Variants in MAGOHB observed in about 807,000 individuals in gnomAD.
MAGOHB encodes protein mago nashi homolog 2.
In MAGOHB, 15 loss-of-function variants were observed where a neutral mutation model predicts 20.9. The observed-to-expected ratio is 0.72, with a 90% confidence interval of 0.48 to 1.11. The LOEUF is 1.11. MAGOHB is among the 50% of genes least tolerant of loss of function. MAGOHB has a pLI of 0.00. For missense variants in MAGOHB, 162 were observed against 177.6 expected (o/e 0.91, Z 0.50); for synonymous variants, 50 against 57.9 (o/e 0.86, Z 0.62).
rs1865791725 is a variant in MAGOHB, at chr12:10,613,515, A to C, written c.18T>G (p.Asp6Glu). The change falls in exon 1 of 5, where the codon GAT (aspartate) becomes GAG (glutamate). Residue 6 changes from aspartate (D) to glutamate (E), a missense_variant. By Grantham distance (45) the Asp-to-Glu change is conservative. Transcript: ENST00000320756. MAVAS[D>E]FYLRYYVGHK... ...GCCCTACGTAGTAGCGCAGGTAGAA[A>C]TCGCTAGCCACAGCCATTTTTGTAC... is the stretch of plus-strand genomic sequence containing the variant. The C allele has an allele frequency of 6.2e-7, 1 of 1,613,904 alleles. No homozygotes were observed. Among genetic ancestry groups the C allele is most frequent in the Non-Finnish European group, 8.5e-7 (1 of 1,179,920 alleles).
intron 4 of MAGOHB, among the ~76,000 whole-genome samples, chr12:10,607,211 T>A (rs1211597006): frequency 6.6e-6 from 1 of 152,220 alleles, no homozygotes; most frequent in Non-Finnish European, 1.5e-5. Context: ...GGCACTATGC[T>A]AACTCTGTGG....
chr12:10,609,325 T>A (rs746070505), intron 3 of MAGOHB: 1 of 415,276 alleles, frequency 2.4e-6, no homozygotes, highest in African/African-American at 2.1e-5. Context: ...AAACTTTCTT[T>A]TTACAGAGTG....
chr12:10,613,358 G>A, intron 1 of MAGOHB, 81 bp downstream of exon 1: 3 of 1,256,650 alleles, frequency 2.4e-6, no homozygotes, highest in Non-Finnish European at 3.5e-6. Context: ...AGTGGCCTCC[G>A]CCGCCTGTAC....
rs756858091 is a variant in MAGOHB at position 10,609,889 on chromosome 12, C to A, written c.206G>T (p.Ser69Ile). The A allele has an allele frequency of 3.1e-6, 5 of 1,612,962 alleles. No homozygotes were observed. The Admixed American group carries it at 8.4e-5, about 27-fold the overall frequency. ...AGCATCATCTTCTTTTGTAATTTCA[C>A]TGTCATCAATAATTCTCTTCAGTTC... ...MEELKRIIDD[S>I]EITKEDDALW... Residue 69 changes from serine to isoleucine, a missense_variant, in exon 3 of 5, where the codon AGT (serine) becomes ATT (isoleucine). Transcript: ENST00000320756.
intron 4 of MAGOHB, among the ~76,000 whole-genome samples, chr12:10,607,556 C>G (rs1169515452): frequency 6.6e-6 from 1 of 152,180 alleles, no homozygotes; most frequent in Non-Finnish European, 1.5e-5. Context: ...ATAAGGATTT[C>G]TTTCCTTTGG....
chr12:10,609,060 G>A (rs1306035443), intron 3 of MAGOHB: 1 of 160,382 alleles, frequency 6.2e-6, no homozygotes, highest in Non-Finnish European at 1.4e-5. Flanking sequence ...CTTTTTAAAA[G>A]TGATACGATG....
intron 1 of MAGOHB, chr12:10,612,578 T>C (rs989432013): frequency 1.2e-5 from 9 of 779,954 alleles, no homozygotes; most frequent in East Asian, 8.6e-5. Flanking sequence ...TATAGTTAAA[T>C]GTCTGTGCCT....
chr12:10,609,712 TGCCTATTA>T (rs1303553524), intron 3 of MAGOHB, 111 bp downstream of exon 3: 1 of 644,730 alleles, frequency 1.6e-6, no homozygotes, highest in Non-Finnish European at 2.7e-6. Flanking sequence ...ATTTACCAGG[TGCCTATTA>T]AATAGAAAGC....
At chr12:10,607,977 T>A in intron 3 of MAGOHB, 41 bp from the exon 4 acceptor site, 2 of 1,222,590 alleles carry the variant, frequency 1.6e-6, no homozygotes, top group Non-Finnish European at 1.2e-6. Flanking sequence ...TATAAAAATC[T>A]ATCCCAGAGG....
Position 10,606,115 on chromosome 12 carries a change from T to A in MAGOHB, c.*160A>T. 1 of 494,690 alleles carries A rather than the reference T, an allele frequency of 2.0e-6. No individual in the cohort carries two copies. The allele number at this position is 494,690 out of a possible 1,614,324, so 30.6% of individuals were successfully genotyped here. ...ACTGTCCAACCCATATGGACTCAAGTAAGGATAACCATTAAGCTTGCTAAT... is the reference window on the plus strand; with the variant it reads ...ACTGTCCAACCCATATGGACTCAAGAAAGGATAACCATTAAGCTTGCTAAT... On this transcript the variant is annotated 3_prime_UTR_variant, in exon 5 of 5. Transcript: ENST00000320756.
intron 1 of MAGOHB, chr12:10,612,702 T>C (rs1489416526): frequency 2.3e-5 from 27 of 1,159,722 alleles, no homozygotes; most frequent in East Asian, 6.3e-5. Flanking sequence ...ACCCAAAAAA[T>C]ATATATCCAA....
intron 1 of MAGOHB, among the ~76,000 whole-genome samples, chr12:10,611,403 C>T (rs2120535608): frequency 6.6e-6 from 1 of 152,154 alleles, no homozygotes; most frequent in Non-Finnish European, 1.5e-5. Context: ...GTTGCCCAGA[C>T]ACAGCTATAA....
intron 4 of MAGOHB, among the ~76,000 whole-genome samples, chr12:10,606,768 TAA>T (rs564278730): frequency 6.8e-6 from 1 of 146,180 alleles, no homozygotes. Context: ...CCCACAGCAT[TAA>T]AAAAAAAAAA....
At chr12:10,603,971 A>T (rs903501944), downstream of MAGOHB, among the ~76,000 whole-genome samples, 1 of 152,230 alleles carries the variant, frequency 6.6e-6, no homozygotes, top group Admixed American at 6.5e-5. Context: ...ATTAATATTT[A>T]CATTAAAAAT....
At chr12:10,613,400 C>T in intron 1 of MAGOHB, 39 bp downstream of exon 1, 1 of 1,581,488 alleles carries the variant, frequency 6.3e-7, no homozygotes, top group Non-Finnish European at 8.7e-7. Context: ...CGGTCTCGCT[C>T]CCCTTTCCCA....
intron 3 of MAGOHB, chr12:10,608,617 A>AAAAC (rs1865671423): frequency 1.3e-5 from 2 of 150,854 alleles, no homozygotes; most frequent in South Asian, 4.2e-4. Context: ...AAAAAAAAAA[A>AAAAC]CCAACCTAAT....
At chr12:10,612,987 AACAATT>A (rs746918805) in intron 1 of MAGOHB, 5 of 1,263,146 alleles carry the variant, frequency 4.0e-6, no homozygotes, top group South Asian at 1.2e-5. Flanking sequence ...TCCTATGGTG[AACAATT>A]ACACGTAAAC....
intron 4 of MAGOHB, among the ~76,000 whole-genome samples, chr12:10,606,708 ATTT>A (rs1374395893): frequency 1.3e-5 from 2 of 151,820 alleles, no homozygotes; most frequent in African/African-American, 4.8e-5. Flanking sequence ...ATGTTTCTCT[ATTT>A]TTTAATAACT....
At chr12:10,601,156 T>C (rs1286619187), downstream of MAGOHB, among the ~76,000 whole-genome samples, 2 of 152,032 alleles carry the variant, frequency 1.3e-5, no homozygotes, top group Admixed American at 6.6e-5. Context: ...TGAGAGATGA[T>C]AGGAAGTGGG....
Sources: gnomAD v4.1 joint callset for allele counts (sites outside exome capture counted in the v4.1 genomes callset) on GRCh38, gnomAD v4.1.1 for gene constraint, MANE v1.5 for transcripts, NCBI Gene and HGNC (gene_info 2026-07-23, HGNC 2026-07-21) for gene names.